The following TTLL8 variants were observed in gnomAD, a reference collection of about 807,000 sequenced individuals.
The protein encoded by TTLL8 is protein monoglycylase TTLL8.
TTLL8 carries 65 observed loss-of-function variants against 77.8 expected under a neutral mutation model. The ratio of observed to expected loss-of-function variants is 0.84; its 90% CI spans 0.68 to 1.03. The LOEUF (loss-of-function observed/expected upper bound fraction) is 1.03. TTLL8 is among the 50% of genes least tolerant of loss of function. TTLL8 has a pLI of 0.00. For synonymous variants in TTLL8, 402 were observed against 422.8 expected (o/e 0.95, Z 0.60); for missense variants, 910 against 1,004.5 (o/e 0.91, Z 1.27).
intron 9 of TTLL8, 119 bp from the exon 11 acceptor site, chr22:50,033,564 G>A: frequency 1.1e-6 from 1 of 901,534 alleles, no homozygotes; most frequent in Non-Finnish European, 1.5e-6. Context: ...TTTGTCCAAG[G>A]CCAGCAGGCA....
chr22:50,049,240 G>A lies in TTLL8; in HGVS notation c.264+9C>T, dbSNP rs1569233528. ...CCGCAGCTGACCATGACGCATGCAG[G>A]GGACGTACCATCACGTCGTGGATGT... On this transcript the variant is annotated intron_variant, in intron 3 of 13. Coordinates refer to ENST00000266182, the Ensembl canonical transcript of TTLL8. 4 of 1,367,624 alleles carry A rather than the reference G, an allele frequency of 2.9e-6. No individual in the cohort carries two copies. Among genetic ancestry groups the A allele is most frequent in the Middle Eastern group, 2.1e-4 (1 of 4,718 alleles). 84.7% of individuals were successfully genotyped at this position (1,367,624 alleles called of 1,614,324 possible). A position where few individuals can be genotyped will look rare whatever the true frequency, so the allele number is the denominator to read the frequency against.
At chr22:50,019,939 G>A (rs886154953) in intron 12 of TTLL8, among the ~76,000 whole-genome samples, 6 of 152,098 alleles carry the variant, frequency 3.9e-5, no homozygotes, top group Non-Finnish European at 8.8e-5. Flanking sequence ...CTTATATAAT[G>A]ATGAAAGAAA....
rs1277756580 is a variant in TTLL8 at position 50,027,809 on chromosome 22, G to C, written c.2203+2621C>G. ...CTGAGGCCGAGGGGCACATGGAGCT[G>C]GCCTGAGCCCAGCCAGGAGTCTGGA... On this transcript the variant is annotated intron_variant, in intron 12 of 13. Coordinates refer to ENST00000266182, the Ensembl canonical transcript of TTLL8. 2.3e-5 allele frequency: 23 copies of C among 985,340 alleles called. No homozygotes were observed. In the Admixed American group the frequency reaches 7.4e-4, roughly 32 times the overall value. 61.0% of individuals were successfully genotyped at this position (985,340 alleles called of 1,614,324 possible). A position where few individuals can be genotyped will look rare whatever the true frequency, so the allele number is the denominator to read the frequency against.
At chr22:50,026,629 T>C (rs947722674) in intron 12 of TTLL8, among the ~76,000 whole-genome samples, 4 of 152,212 alleles carry the variant, frequency 2.6e-5, no homozygotes, top group Non-Finnish European at 5.9e-5. Flanking sequence ...CCAATAGTGA[T>C]GATCACCATT....
intron 12 of TTLL8, among the ~76,000 whole-genome samples, chr22:50,021,300 G>A (rs1369761861): frequency 6.9e-6 from 1 of 145,400 alleles, no homozygotes; most frequent in African/African-American, 2.6e-5. Flanking sequence ...TCCTCCATCT[G>A]ACGATGTGTA....
intron 8 of TTLL8, among the ~76,000 whole-genome samples, chr22:50,036,164 G>A (rs2061334993): frequency 6.6e-6 from 1 of 152,202 alleles, no homozygotes; most frequent in Non-Finnish European, 1.5e-5. Context: ...GGTCCCAGCT[G>A]AGCCCAGCAG....
intron 12 of TTLL8, among the ~76,000 whole-genome samples, chr22:50,021,636 C>T (rs1463616698): frequency 6.8e-6 from 1 of 147,672 alleles, no homozygotes; most frequent in East Asian, 2.0e-4. Context: ...ACATGCACTC[C>T]TCCATCTGAT....
At position 50,044,293 on chromosome 22, in the gene TTLL8, G is replaced by T. The variant is rs1478904711; in HGVS notation, c.643+962C>A. 6.6e-6 allele frequency among the ~76,000 whole-genome samples: 1 copy of T among 151,914 alleles called. No individual in the cohort carries two copies. Among genetic ancestry groups the T allele is most frequent in the Non-Finnish European group, 1.5e-5 (1 of 68,002 alleles). ...AGATCATGCCATTGTACTTCAACCT[G>T]GGTGACAGAGCAAGACTCCATCTCA... On this transcript the variant is annotated intron_variant, in intron 6 of 13. Transcript: ENST00000266182. The surrounding 1 kb of genome is among the most constrained non-coding windows in gnomAD (Gnocchi z 4.2).
At chr22:50,043,445 C>T (rs560116473) in intron 6 of TTLL8, among the ~76,000 whole-genome samples, 389 of 35,144 alleles carry the variant, frequency 0.011, 2 homozygotes, top group East Asian at 0.013. Context: ...GCCGAGACGT[C>T]CTTCGGTAGA....
At chr22:50,020,901 GA>G in intron 12 of TTLL8, among the ~76,000 whole-genome samples, 1 of 142,242 alleles carries the variant, frequency 7.0e-6, no homozygotes, top group Non-Finnish European at 1.5e-5. Flanking sequence ...TCCTCCATCT[GA>G]CGTGCACTCC....
chr22:50,047,200 G>T (rs1023520847), exon 4 of TTLL8: 2 of 1,367,452 alleles, frequency 1.5e-6, no homozygotes, highest in African/African-American at 3.0e-5. Context: ...TTTGCGTAGT[G>T]GTTCAGCATC....
At chr22:50,043,374 GATAA>G (rs1391426623) in intron 6 of TTLL8, among the ~76,000 whole-genome samples, 1 of 91,802 alleles carries the variant, frequency 1.1e-5, no homozygotes, top group African/African-American at 4.7e-5. Flanking sequence ...TAGATGGATA[GATAA>G]ATAAACAGTG....
At chr22:50,046,067 G>T in intron 4 of TTLL8, 97 bp from the exon 7 acceptor site, 1 of 1,128,770 alleles carries the variant, frequency 8.9e-7, no homozygotes, top group Non-Finnish European at 1.2e-6. Context: ...AGACTTGCCT[G>T]GCTATGGGGC....
intron 12 of TTLL8, among the ~76,000 whole-genome samples, chr22:50,020,352 T>TCCATCTGACGTGCACA (rs2061187573): frequency 8.2e-6 from 1 of 122,678 alleles, no homozygotes; most frequent in African/African-American, 3.3e-5. Context: ...TAACGTGCCC[T>TCCATCTGACGTGCACA]CCTCCATCTG....
intron 1 of TTLL8, among the ~76,000 whole-genome samples, chr22:50,051,878 A>G (rs1356980669): frequency 6.6e-6 from 1 of 152,188 alleles, no homozygotes; most frequent in Non-Finnish European, 1.5e-5. Flanking sequence ...TTTCTGTAAG[A>G]GGAGTTTTCA....
Position 50,034,303 on chromosome 22 carries a change from G to A in TTLL8, c.1039+42C>T. 1 of 1,337,918 alleles carries A rather than the reference G, an allele frequency of 7.5e-7. No homozygotes were observed. Among genetic ancestry groups the A allele is most frequent in the Non-Finnish European group, 9.9e-7 (1 of 1,005,952 alleles). The allele number at this position is 1,337,918 out of a possible 1,614,324, so 82.9% of individuals were successfully genotyped here. ...ACTCACGGCTCCTGGCATCAAGTGT[G>A]GCCGTTGGTGGCTATGAACGCGGTG... On this transcript the variant is annotated intron_variant, in intron 9 of 13. Coordinates refer to ENST00000266182, the Ensembl canonical transcript of TTLL8. The surrounding 1 kb of genome is among the most constrained non-coding windows in gnomAD (Gnocchi z 4.1).
exon 12 of TTLL8, chr22:50,030,800 C>T (rs1267279971): frequency 4.4e-6 from 6 of 1,348,894 alleles, no homozygotes; most frequent in Non-Finnish European, 3.9e-6. Context: ...TCAGCGGCTG[C>T]GCGTCCAACA....
chr22:50,024,048 C>T (rs1244391263), intron 12 of TTLL8, among the ~76,000 whole-genome samples: 1 of 152,174 alleles, frequency 6.6e-6, no homozygotes, highest in Non-Finnish European at 1.5e-5. Context: ...ACAATAACAA[C>T]AACAAAACCA....
Position 50,034,288 on chromosome 22 carries a change from C to G in TTLL8, c.1039+57G>C. The stretch of plus-strand genomic sequence containing the variant: ...CTGAAACTGTCCCTCACTCACGGCT[C>G]CTGGCATCAAGTGTGGCCGTTGGTG... On this transcript the variant is annotated intron_variant, in intron 9 of 13. Coordinates refer to ENST00000266182, the Ensembl canonical transcript of TTLL8. This position sits in a 1 kb window ranked among gnomAD's most constrained non-coding sequence, Gnocchi z 4.1. 7.6e-7 allele frequency: 1 copy of G among 1,322,522 alleles called. No individual in the cohort carries two copies. The highest frequency in any genetic ancestry group is 1.0e-6 in the Non-Finnish European group (1 of 999,220). 81.9% of individuals were successfully genotyped at this position (1,322,522 alleles called of 1,614,324 possible).
Sources: gnomAD v4.1 joint callset for allele counts (sites outside exome capture counted in the v4.1 genomes callset) on GRCh38, gnomAD v4.1.1 for gene constraint, Gnocchi (gnomAD v3.1) non-coding constraint, MANE v1.5 for transcripts, NCBI Gene and HGNC (gene_info 2026-07-23, HGNC 2026-07-21) for gene names.